Variants in DNA2 observed in about 807,000 individuals in gnomAD.
The protein encoded by DNA2 is DNA replication ATP-dependent helicase/nuclease DNA2.
A neutral mutation model predicts 119.1 loss-of-function variants in DNA2; 101 were observed. The observed-to-expected ratio is 0.85, with a 90% CI of 0.72 to 1.00. DNA2 has a LOEUF of 1.00. DNA2 is among the 50% of genes least tolerant of loss of function. DNA2 has a pLI of 0.00. For synonymous variants in DNA2, 366 were observed against 424.4 expected (o/e 0.86, Z 1.69); for missense variants, 1,121 against 1,255.5 (o/e 0.89, Z 1.62).
At chr10:68,462,622 C>T (rs920344794) in intron 4 of DNA2, among the ~76,000 whole-genome samples, 2 of 152,096 alleles carry the variant, frequency 1.3e-5, no homozygotes, top group African/African-American at 4.8e-5. Flanking sequence ...TTAATAACTA[C>T]TCTAGGGTGG....
At chr10:68,456,126 G>A in intron 5 of DNA2, among the ~76,000 whole-genome samples, 1 of 151,920 alleles carries the variant, frequency 6.6e-6, no homozygotes, top group Middle Eastern at 3.2e-3. Flanking sequence ...GAAGGCTGAG[G>A]TGGAATGACT....
chr10:68,432,610 G>A (rs1486218348), intron 10 of DNA2, 100 bp from the exon 11 acceptor site: 1 of 733,304 alleles, frequency 1.4e-6, no homozygotes, highest in Non-Finnish European at 2.3e-6. Flanking sequence ...GGCCAGAATA[G>A]CTATTAAAAT....
chr10:68,420,469 G>A (rs777146505), intron 17 of DNA2, among the ~76,000 whole-genome samples: 9 of 152,138 alleles, frequency 5.9e-5, no homozygotes, highest in East Asian at 1.9e-4. Context: ...TCTGGGAGTC[G>A]GAGGTTGCAG....
intron 9 of DNA2, among the ~76,000 whole-genome samples, chr10:68,439,311 T>C (rs1179565590): frequency 6.6e-6 from 1 of 151,812 alleles, no homozygotes; most frequent in African/African-American, 2.4e-5. Context: ...GGAGAATCAC[T>C]TGAACCTCGG....
At chr10:68,424,551 A>G in intron 14 of DNA2, 2 of 822,434 alleles carry the variant, frequency 2.4e-6, no homozygotes, top group Admixed American at 3.4e-5. Context: ...CGCTAGCCGG[A>G]GCATCACCAT....
At chr10:68,437,867 C>T (rs116335964) in intron 9 of DNA2, among the ~76,000 whole-genome samples, 1 of 151,880 alleles carries the variant, frequency 6.6e-6, no homozygotes, top group Non-Finnish European at 1.5e-5. Context: ...TACACCACCA[C>T]GACAAGCTAA....
At chr10:68,439,026 C>A in intron 9 of DNA2, among the ~76,000 whole-genome samples, 1 of 107,000 alleles carries the variant, frequency 9.3e-6, no homozygotes, top group Admixed American at 1.1e-4. Flanking sequence ...GAGCAAGAAT[C>A]TGTCCAAAAA....
At chr10:68,447,691 T>TA (rs1401424833) in intron 6 of DNA2, among the ~76,000 whole-genome samples, 123 of 139,908 alleles carry the variant, frequency 8.8e-4, no homozygotes, top group East Asian at 1.5e-3. Context: ...TGTCTTAAAA[T>TA]AAAAAAAAAA....
intron 19 of DNA2, among the ~76,000 whole-genome samples, chr10:68,418,195 T>C (rs1377064036): frequency 6.6e-6 from 1 of 152,002 alleles, no homozygotes; most frequent in Non-Finnish European, 1.5e-5. Context: ...AGGTGGATCA[T>C]CTGAGGTCAG....
At position 68,445,152 on chromosome 10, in the gene DNA2, T is replaced by C. The variant is rs2052021744; in HGVS notation, c.1058-69A>G. ...TTTATCATGTCTTTTTCACTACATA[T>C]GTAAAACTTGCAGATTTAAAAACAT... On this transcript the variant is annotated intron_variant, in intron 7 of 20. Coordinates refer to ENST00000358410, the MANE Select transcript of DNA2 (RefSeq NM_001080449.3). 2.9e-6 allele frequency: 4 copies of C among 1,393,982 alleles called. No individual in the cohort carries two copies. In the South Asian group the frequency reaches 3.9e-5, roughly 14 times the overall value. The allele number at this position is 1,393,982 out of a possible 1,614,324, so 86.4% of individuals were successfully genotyped here.
chr10:68,467,861 T>C (rs1331027576), intron 3 of DNA2, among the ~76,000 whole-genome samples: 1 of 152,164 alleles, frequency 6.6e-6, no homozygotes, highest in African/African-American at 2.4e-5. Flanking sequence ...TTATTATAAT[T>C]AGTTATTTTA....
chr10:68,415,177 A>C, intron 20 of DNA2, 70 bp from the exon 21 acceptor site: 1 of 991,644 alleles, frequency 1.0e-6, no homozygotes, highest in Non-Finnish European at 1.5e-6. Flanking sequence ...TTATTATTTA[A>C]CATTTTGTAA....
intron 4 of DNA2, among the ~76,000 whole-genome samples, chr10:68,464,298 A>C (rs2052297981): frequency 6.6e-6 from 1 of 151,054 alleles, no homozygotes; most frequent in Non-Finnish European, 1.5e-5. Context: ...GGATCACTTG[A>C]GGTCAGTAGT....
At chr10:68,438,652 TA>T (rs1294477652) in intron 9 of DNA2, among the ~76,000 whole-genome samples, 1 of 152,196 alleles carries the variant, frequency 6.6e-6, no homozygotes. Context: ...TACAATTAAA[TA>T]AACTTTCTCC....
intron 17 of DNA2, among the ~76,000 whole-genome samples, chr10:68,420,398 G>A (rs1214131721): frequency 3.3e-5 from 5 of 152,146 alleles, no homozygotes; most frequent in East Asian, 1.9e-4. Flanking sequence ...TTAGCTGGGC[G>A]TGGTGGTGCG....
At position 68,448,932 on chromosome 10, in the gene DNA2, G is replaced by GGTGT. The variant is rs776191186; in HGVS notation, c.939+1092_939+1095dup. On this transcript the variant is annotated intron_variant, in intron 6 of 20. Transcript: ENST00000358410. ...ACTACAGGCATGTGCCACCACACCA[G>GGTGT]GTGTGTGTGTGTGTGTGTGTGTGTG... 5.9e-3 allele frequency among the ~76,000 whole-genome samples: 845 copies of GGTGT among 142,242 alleles called. 13 individuals are homozygous for GGTGT. The highest frequency in any genetic ancestry group is 0.013 in the South Asian group (57 of 4,396). 93.3% of individuals were successfully genotyped at this position (142,242 alleles called of 152,430 possible). A position where few individuals can be genotyped will look rare whatever the true frequency, so the allele number is the denominator to read the frequency against.
chr10:68,427,039 TGAA>T (rs1227833178), intron 14 of DNA2, among the ~76,000 whole-genome samples: 4 of 151,666 alleles, frequency 2.6e-5, no homozygotes, highest in Admixed American at 6.6e-5. Flanking sequence ...GGCAAAAACA[TGAA>T]GAAGAGATAC....
chr10:68,467,250 A>G (rs1339122443), intron 3 of DNA2, among the ~76,000 whole-genome samples: 1 of 151,964 alleles, frequency 6.6e-6, no homozygotes, highest in Non-Finnish European at 1.5e-5. Flanking sequence ...AGCTAGGATT[A>G]CAGGCGCGCA....
At chr10:68,446,958 C>A (rs1444364720) in intron 6 of DNA2, among the ~76,000 whole-genome samples, 1 of 151,626 alleles carries the variant, frequency 6.6e-6, no homozygotes, top group Non-Finnish European at 1.5e-5. Flanking sequence ...TGACTATAGT[C>A]AAAAATAATT....
Sources: allele counts gnomAD v4.1 joint callset (sites outside exome capture counted in the v4.1 genomes callset), GRCh38; gene constraint gnomAD v4.1.1; transcripts MANE v1.5; gene names NCBI Gene and HGNC (gene_info 2026-07-23, HGNC 2026-07-21).